MCF2L: variants seen among roughly 807,000 people sequenced by gnomAD.
MCF2L encodes guanine nucleotide exchange factor DBS.
Under a neutral mutation model 153.4 loss-of-function variants are expected in MCF2L, and 97 were observed. The observed-to-expected ratio is 0.63, with a 90% CI of 0.54 to 0.75. The LOEUF (loss-of-function observed/expected upper bound fraction) is 0.75. MCF2L is among the 30% of genes least tolerant of loss of function. The pLI, the probability that MCF2L is intolerant of heterozygous loss-of-function variation, is 0.00. For synonymous variants in MCF2L, 659 were observed against 632.2 expected (o/e 1.04, Z -0.64); for missense variants, 1,347 against 1,495.2 (o/e 0.90, Z 1.64).
At chr13:113,084,107 A>G in intron 18 of MCF2L, 40 bp downstream of exon 18, 2 of 1,465,228 alleles carry the variant, frequency 1.4e-6, no homozygotes, top group Non-Finnish European at 1.9e-6. Context: ...ACAACTTCTT[A>G]AAAGTACTGA....
At chr13:112,920,591 C>T (rs1307278771) in intron 2 of MCF2L, among the ~76,000 whole-genome samples, 4 of 151,918 alleles carry the variant, frequency 2.6e-5, no homozygotes, top group South Asian at 2.1e-4. Flanking sequence ...TGCTGCCCTG[C>T]GGTTACCGGG....
intron 4 of MCF2L, among the ~76,000 whole-genome samples, chr13:113,058,520 A>G (rs1454906557): frequency 7.9e-5 from 9 of 114,048 alleles, no homozygotes; most frequent in Non-Finnish European, 1.4e-4. Context: ...GAGTGTTTGG[A>G]TGCTGAGTGT....
intron 1 of MCF2L, among the ~76,000 whole-genome samples, chr13:113,004,439 C>A (rs185040956): frequency 6.6e-6 from 1 of 152,346 alleles, no homozygotes; most frequent in East Asian, 1.9e-4. Flanking sequence ...GGGGCCCTGG[C>A]CAGCCCCCAT....
chr13:113,095,577 C>T, intron 27 of MCF2L: 8 of 998,010 alleles, frequency 8.0e-6, no homozygotes, highest in Non-Finnish European at 8.3e-6. Context: ...CACGTGAGGG[C>T]AGGCAGCCCA....
chr13:113,063,450 C>G (rs545076357), intron 5 of MCF2L, among the ~76,000 whole-genome samples: 19 of 151,324 alleles, frequency 1.3e-4, no homozygotes, highest in African/African-American at 4.4e-4. Flanking sequence ...TTCAGGCGTC[C>G]CTGTCCACAC....
chr13:113,074,334 C>T lies in MCF2L; in HGVS notation c.997-110C>T. On this transcript the variant is annotated intron_variant, in intron 9 of 29. Transcript: ENST00000535094. This position sits in a 1 kb window ranked among gnomAD's most constrained non-coding sequence, Gnocchi z 4.2. The stretch of plus-strand genomic sequence containing the variant: ...GTGGTCCCTGCTTGATTGATGACCA[C>T]TTGGCCCGACTTTGAATTCTGTCAT... The T allele has an allele frequency of 7.1e-7, 1 of 1,415,134 alleles. No individual in the cohort carries two copies. The allele number at this position is 1,415,134 out of a possible 1,614,324, so 87.7% of individuals were successfully genotyped here. A position where few individuals can be genotyped will look rare whatever the true frequency, so the allele number is the denominator to read the frequency against.
intron 3 of MCF2L, among the ~76,000 whole-genome samples, chr13:113,041,560 C>T (rs566398100): frequency 1.3e-5 from 2 of 151,650 alleles, no homozygotes; most frequent in South Asian, 4.1e-4. Context: ...TGACCACAGT[C>T]AGTATGGGGG....
At chr13:112,990,437 C>T (rs1454685759) in intron 1 of MCF2L, among the ~76,000 whole-genome samples, 3 of 152,084 alleles carry the variant, frequency 2.0e-5, no homozygotes, top group Non-Finnish European at 4.4e-5. Flanking sequence ...GCTTATCCCA[C>T]ATACGGTGCC....
At chr13:112,939,392 C>T (rs2081553040) in intron 2 of MCF2L, among the ~76,000 whole-genome samples, 1 of 152,168 alleles carries the variant, frequency 6.6e-6, no homozygotes, top group South Asian at 2.1e-4. Context: ...AGTGGCAACA[C>T]CAAAATTGTC....
At chr13:112,928,233 A>G (rs531221469) in intron 2 of MCF2L, among the ~76,000 whole-genome samples, 25 of 152,338 alleles carry the variant, frequency 1.6e-4, no homozygotes, top group Non-Finnish European at 2.5e-4. Flanking sequence ...CCGTGCACCA[A>G]CGTTGTTGCA....
At chr13:113,069,650 G>T (rs28550144) in intron 8 of MCF2L, among the ~76,000 whole-genome samples, 6 of 151,250 alleles carry the variant, frequency 4.0e-5, no homozygotes, top group African/African-American at 7.3e-5. Context: ...TCCCAGCTAC[G>T]CGGAGGCAGA....
intron 1 of MCF2L, chr13:113,001,634 G>T (rs150606736): frequency 3.2e-6 from 4 of 1,269,402 alleles, no homozygotes; most frequent in Non-Finnish European, 4.0e-6. Flanking sequence ...AGCCTCCCTG[G>T]CCGGGGCTCA....
At chr13:113,086,577 C>T (rs980524543) in intron 21 of MCF2L, among the ~76,000 whole-genome samples, 1 of 152,176 alleles carries the variant, frequency 6.6e-6, no homozygotes, top group Admixed American at 6.5e-5. Flanking sequence ...AGGCGTGGCT[C>T]GGAGCAGACG....
intron 1 of MCF2L, among the ~76,000 whole-genome samples, chr13:113,003,081 G>T (rs2083471725): frequency 6.6e-6 from 1 of 152,276 alleles, no homozygotes; most frequent in East Asian, 1.9e-4. Flanking sequence ...GGGGCTGAGA[G>T]GGGAGAATCA....
rs559332880 is a variant in MCF2L, at chr13:113,081,090, C to T, written c.1809-123C>T. 7 of 793,632 alleles carry T rather than the reference C, an allele frequency of 8.8e-6. No individual in the cohort carries two copies. The East Asian group carries it at 9.1e-5, about 10-fold the overall frequency. The allele number at this position is 793,632 out of a possible 1,614,324, so 49.2% of individuals were successfully genotyped here. A position where few individuals can be genotyped will look rare whatever the true frequency, so the allele number is the denominator to read the frequency against. Reference sequence around the variant, plus strand: ...AGCGTCCAGCCTGTGGGCTTTGGGTCGCCGCCAGTCCCCTCCTGCTGGGCA... The same window carrying T: ...AGCGTCCAGCCTGTGGGCTTTGGGTTGCCGCCAGTCCCCTCCTGCTGGGCA... On this transcript the variant is annotated intron_variant, in intron 15 of 29. Coordinates refer to ENST00000535094, the MANE Select transcript of MCF2L (RefSeq NM_001112732.3).
chr13:112,966,296 T>C (rs2081892322), upstream of MCF2L, among the ~76,000 whole-genome samples: 2 of 152,190 alleles, frequency 1.3e-5, no homozygotes, highest in African/African-American at 4.8e-5. This position sits in a 1 kb window ranked among gnomAD's most constrained non-coding sequence, Gnocchi z 4.1. Flanking sequence ...CTCCTGAAAT[T>C]GTGGGTGTTG....
intron 2 of MCF2L, among the ~76,000 whole-genome samples, chr13:112,905,735 G>A (rs943827216): frequency 1.3e-5 from 2 of 152,182 alleles, no homozygotes; most frequent in Non-Finnish European, 2.9e-5. Context: ...TTTTAAGGCT[G>A]AGTAATATTC....
chr13:113,019,499 CAGA>C (rs1232875029), intron 2 of MCF2L, among the ~76,000 whole-genome samples: 2 of 152,222 alleles, frequency 1.3e-5, no homozygotes, highest in African/African-American at 4.8e-5. Flanking sequence ...CAGAAATGGA[CAGA>C]AGGTCACTGG....
intron 2 of MCF2L, chr13:112,917,380 G>A (rs899987080): frequency 5.1e-5 from 18 of 350,536 alleles, no homozygotes; most frequent in South Asian, 1.9e-4. Flanking sequence ...CCGACCTCCC[G>A]GGAAATCCTG....
Sources: allele counts gnomAD v4.1 joint callset (sites outside exome capture counted in the v4.1 genomes callset), GRCh38; gene constraint gnomAD v4.1.1; non-coding constraint Gnocchi (gnomAD v3.1); transcripts MANE v1.5; gene names NCBI Gene and HGNC (gene_info 2026-07-23, HGNC 2026-07-21).